The following RTF1 variants were observed in gnomAD, a reference collection of about 807,000 sequenced individuals.
The protein encoded by RTF1 is RNA polymerase-associated protein RTF1 homolog.
In RTF1, 10 loss-of-function variants were observed where a neutral mutation model predicts 95.7. The ratio of observed to expected loss-of-function variants is 0.10; its 90% confidence interval spans 0.06 to 0.18. RTF1 has a LOEUF of 0.18. RTF1 is among the 10% of genes least tolerant of loss of function. The pLI, the probability that RTF1 is intolerant of heterozygous loss-of-function variation, is 1.00. For synonymous variants in RTF1, 305 were observed against 311.8 expected (o/e 0.98, Z 0.23); for missense variants, 458 against 875.6 (o/e 0.52, Z 6.02).
At chr15:41,461,920 C>CTT (rs1225221132) in intron 4 of RTF1, among the ~76,000 whole-genome samples, 40 of 134,282 alleles carry the variant, frequency 3.0e-4, no homozygotes, top group African/African-American at 1.0e-3. Flanking sequence ...ATTTTTTTTT[C>CTT]TTTTTTTTTT....
At chr15:41,473,442 G>A (rs1459847299) in intron 8 of RTF1, among the ~76,000 whole-genome samples, 2 of 138,580 alleles carry the variant, frequency 1.4e-5, no homozygotes, top group Non-Finnish European at 3.2e-5. Context: ...CAGGTGTTGG[G>A]TTTTTTTTTT....
chr15:41,476,948 G>C (rs1303925773), intron 12 of RTF1, among the ~76,000 whole-genome samples: 1 of 152,252 alleles, frequency 6.6e-6, no homozygotes, highest in African/African-American at 2.4e-5. Context: ...CCCACAGCCA[G>C]GTAGCTGTAT....
intron 1 of RTF1, 79 bp from the exon 2 acceptor site, chr15:41,438,240 TAG>T: frequency 1.1e-6 from 1 of 921,774 alleles, no homozygotes; most frequent in Non-Finnish European, 1.6e-6. Flanking sequence ...AAAAAAGATC[TAG>T]AGAGGGTGGG....
chr15:41,420,193 A>G (rs1259222602), intron 1 of RTF1, among the ~76,000 whole-genome samples: 2 of 152,166 alleles, frequency 1.3e-5, no homozygotes, highest in South Asian at 2.1e-4. Context: ...TGTAATACCT[A>G]ATACATTTTA....
intron 1 of RTF1, among the ~76,000 whole-genome samples, chr15:41,422,458 G>GC (rs933384147): frequency 6.6e-6 from 1 of 152,016 alleles, no homozygotes; most frequent in African/African-American, 2.4e-5. Context: ...ATAATTTGAG[G>GC]CAAACCTCTG....
intron 2 of RTF1, among the ~76,000 whole-genome samples, chr15:41,439,744 C>T (rs2050723321): frequency 6.6e-6 from 1 of 152,132 alleles, no homozygotes; most frequent in Non-Finnish European, 1.5e-5. Context: ...CTCTGCCTCT[C>T]GGGTTCAAGC....
At chr15:41,432,630 C>T (rs1322716530) in intron 1 of RTF1, among the ~76,000 whole-genome samples, 3 of 151,958 alleles carry the variant, frequency 2.0e-5, no homozygotes, top group African/African-American at 2.4e-5. Context: ...TCTCTTATAA[C>T]GAATTGGTAT....
At chr15:41,432,444 A>G (rs144389106) in intron 1 of RTF1, among the ~76,000 whole-genome samples, 8,141 of 150,900 alleles carry the variant, frequency 0.054, 489 homozygotes, top group African/African-American at 0.15. Context: ...TGATCCACCC[A>G]CCTCAGCCTC....
At chr15:41,458,797 T>C (rs752476355) in intron 4 of RTF1, among the ~76,000 whole-genome samples, 12 of 150,240 alleles carry the variant, frequency 8.0e-5, no homozygotes, top group Admixed American at 6.7e-5. Flanking sequence ...ACAGGCCAAG[T>C]GTGGTGGCTC....
chr15:41,463,749 T>C lies in RTF1; in HGVS notation c.663-1022T>C, dbSNP rs138932551. Among the ~76,000 whole-genome samples, 37 of 152,324 alleles carry C rather than the reference T, an allele frequency of 2.4e-4. No homozygotes were observed. In the East Asian group the frequency reaches 5.2e-3, roughly 21 times the overall value. On this transcript the variant is annotated intron_variant, in intron 4 of 17. Coordinates refer to ENST00000389629, the MANE Select transcript of RTF1 (RefSeq NM_015138.5). ...CTCCTGCCTTGGCCTCCCAAAGTAC[T>C]GGAATTACAGGTGTGAGCCACCGTG...
At chr15:41,431,203 G>A (rs940282610) in intron 1 of RTF1, among the ~76,000 whole-genome samples, 3 of 143,950 alleles carry the variant, frequency 2.1e-5, no homozygotes, top group Admixed American at 7.1e-5. Flanking sequence ...TGCGTCCAGC[G>A]GGTTTTTCTT....
At chr15:41,424,417 C>T (rs1217752292) in intron 1 of RTF1, among the ~76,000 whole-genome samples, 4 of 152,054 alleles carry the variant, frequency 2.6e-5, no homozygotes, top group Non-Finnish European at 4.4e-5. Flanking sequence ...CAGGAAGGAC[C>T]TCGAACCCTT....
intron 14 of RTF1, among the ~76,000 whole-genome samples, chr15:41,477,745 A>G (rs1402262275): frequency 6.6e-6 from 1 of 152,102 alleles, no homozygotes; most frequent in African/African-American, 2.4e-5. Flanking sequence ...CTCCACAGGT[A>G]TTTGTTTTTT....
intron 1 of RTF1, among the ~76,000 whole-genome samples, chr15:41,421,709 C>CTTTT (rs752702270): frequency 1.6e-5 from 2 of 127,486 alleles, no homozygotes; most frequent in Non-Finnish European, 3.4e-5. Flanking sequence ...ACTACTGGTT[C>CTTTT]TTTTTTTTTT....
At chr15:41,446,496 G>T (rs538339134) in intron 2 of RTF1, among the ~76,000 whole-genome samples, 1 of 152,056 alleles carries the variant, frequency 6.6e-6, no homozygotes, top group Non-Finnish European at 1.5e-5. Flanking sequence ...AACCCAGGAG[G>T]TGGAGGTTGC....
rs768033900 is a variant in RTF1, at chr15:41,483,326, C to T, written c.*2639C>T. 6.6e-6 allele frequency: 1 copy of T among 152,492 alleles called. No individual in the cohort carries two copies. The highest frequency in any genetic ancestry group is 6.5e-5 in the Admixed American group (1 of 15,268). 9.4% of individuals were successfully genotyped at this position (152,492 alleles called of 1,614,324 possible). A position where few individuals can be genotyped will look rare whatever the true frequency, so the allele number is the denominator to read the frequency against. On this transcript the variant is annotated 3_prime_UTR_variant, in exon 18 of 18. Coordinates refer to ENST00000389629, the MANE Select transcript of RTF1 (RefSeq NM_015138.5). The stretch of plus-strand genomic sequence containing the variant: ...TTTCAGTGTTGAAGGGTGCAGCACC[C>T]AAGGTTGTTTTTATGCATTTTTTCA...
At chr15:41,471,067 C>G in intron 7 of RTF1, 105 bp from the exon 8 acceptor site, 1 of 1,045,678 alleles carries the variant, frequency 9.6e-7, no homozygotes, top group East Asian at 2.4e-5. Context: ...CCTCCTAGGC[C>G]AGTCACATGT....
intron 2 of RTF1, among the ~76,000 whole-genome samples, chr15:41,441,091 C>A (rs887243745): frequency 6.6e-6 from 1 of 150,858 alleles, no homozygotes; most frequent in Non-Finnish European, 1.5e-5. Flanking sequence ...TCTGCCTCAA[C>A]CTCCCAAATA....
chr15:41,458,884 C>T (rs952342824), intron 4 of RTF1, among the ~76,000 whole-genome samples: 4 of 151,630 alleles, frequency 2.6e-5, no homozygotes, highest in Admixed American at 2.6e-4. Context: ...CCTGCCTGGC[C>T]AACATGGTGA....
Sources: allele counts gnomAD v4.1 joint callset (sites outside exome capture counted in the v4.1 genomes callset), GRCh38; gene constraint gnomAD v4.1.1; transcripts MANE v1.5; gene names NCBI Gene and HGNC (gene_info 2026-07-23, HGNC 2026-07-21).